Variants in C1orf21 observed in about 807,000 individuals in gnomAD.
C1orf21 encodes the protein chromosome 1 open reading frame 21.
C1orf21 carries 3 observed loss-of-function variants against 18.7 expected under a neutral mutation model. The ratio of observed to expected loss-of-function variants is 0.16; its 90% CI spans 0.07 to 0.42. The LOEUF is 0.42. Ranked by LOEUF, C1orf21 falls within the 10% of genes least tolerant of loss-of-function variation. The pLI is 0.99. For synonymous variants in C1orf21, 41 were observed against 46.4 expected (o/e 0.88, Z 0.47); for missense variants, 104 against 143.6 (o/e 0.72, Z 1.41).
At chr1:184,579,713 G>C (rs1481285440) in intron 3 of C1orf21, among the ~76,000 whole-genome samples, 1 of 151,912 alleles carries the variant, frequency 6.6e-6, no homozygotes, top group African/African-American at 2.4e-5. Flanking sequence ...GTTTCACCAT[G>C]TTGGTTAGGC....
intron 1 of C1orf21, among the ~76,000 whole-genome samples, chr1:184,396,523 ATAAT>A (rs892244339): frequency 3.1e-4 from 47 of 152,194 alleles, no homozygotes; most frequent in African/African-American, 1.1e-3. Context: ...AGAGGGAAAG[ATAAT>A]TAACTCAGTT....
chr1:184,503,475 T>C (rs1360618503), intron 2 of C1orf21, among the ~76,000 whole-genome samples: 1 of 152,034 alleles, frequency 6.6e-6, no homozygotes, highest in African/African-American at 2.4e-5. Context: ...ACAGCTGGTT[T>C]TCCTTGGGCG....
intron 5 of C1orf21, among the ~76,000 whole-genome samples, chr1:184,610,125 G>C (rs1283733234): frequency 6.6e-6 from 1 of 152,232 alleles, no homozygotes; most frequent in Non-Finnish European, 1.5e-5. Flanking sequence ...GCCACATCCA[G>C]CCTGCGAGAC....
At chr1:184,413,763 C>T (rs563923032) in intron 1 of C1orf21, among the ~76,000 whole-genome samples, 68 of 152,264 alleles carry the variant, frequency 4.5e-4, no homozygotes, top group African/African-American at 1.6e-3. Context: ...CATGAAAATA[C>T]GGTCCCTGTG....
At chr1:184,405,965 G>A (rs1308337956) in intron 1 of C1orf21, among the ~76,000 whole-genome samples, 1 of 152,140 alleles carries the variant, frequency 6.6e-6, no homozygotes, top group Non-Finnish European at 1.5e-5. Context: ...AGTTTTTATA[G>A]TGATACTAAA....
chr1:184,575,611 T>TA (rs59167087), intron 3 of C1orf21, among the ~76,000 whole-genome samples: 4,063 of 83,382 alleles, frequency 0.049, 150 homozygotes, highest in African/African-American at 0.13. Context: ...CACAAAAAGG[T>TA]AAAAAAAAAA....
At chr1:184,614,887 C>G (rs1659796774) in intron 5 of C1orf21, among the ~76,000 whole-genome samples, 1 of 152,194 alleles carries the variant, frequency 6.6e-6, no homozygotes, top group South Asian at 2.1e-4. Context: ...ACTCACTCGC[C>G]TGTCGCTCAC....
intron 3 of C1orf21, among the ~76,000 whole-genome samples, chr1:184,570,258 G>A (rs558111799): frequency 2.0e-5 from 3 of 152,242 alleles, no homozygotes; most frequent in Admixed American, 1.3e-4. Flanking sequence ...AAGTTTGCGC[G>A]TATATCCTTT....
chr1:184,552,892 T>C (rs575336818), intron 3 of C1orf21, among the ~76,000 whole-genome samples: 36 of 152,356 alleles, frequency 2.4e-4, no homozygotes, highest in African/African-American at 8.2e-4. Context: ...ACATATTTGG[T>C]ATTTATACCA....
At chr1:184,408,382 T>C (rs957642701) in intron 1 of C1orf21, 2 of 152,226 alleles carry the variant, frequency 1.3e-5, no homozygotes, top group Non-Finnish European at 2.9e-5. Flanking sequence ...TTACTTTTCA[T>C]TAAATAGACG....
intron 3 of C1orf21, among the ~76,000 whole-genome samples, chr1:184,549,977 A>C (rs1221371862): frequency 6.6e-6 from 1 of 152,232 alleles, no homozygotes; most frequent in East Asian, 1.9e-4. Flanking sequence ...CACAATATTC[A>C]ATAAATTACC....
At chr1:184,551,594 G>C (rs6693408) in intron 3 of C1orf21, among the ~76,000 whole-genome samples, 36,231 of 152,032 alleles carry the variant, frequency 0.24, 4,583 homozygotes, top group African/African-American at 0.32. Context: ...ATATAGTTTT[G>C]TTACATCAGC....
intron 1 of C1orf21, among the ~76,000 whole-genome samples, chr1:184,435,080 A>G (rs1264268758): frequency 1.3e-5 from 2 of 152,176 alleles, no homozygotes; most frequent in Non-Finnish European, 2.9e-5. Context: ...ATTAAAATAT[A>G]TTTGGAAGTA....
At chr1:184,474,581 C>T (rs1240857698) in intron 1 of C1orf21, among the ~76,000 whole-genome samples, 2 of 152,136 alleles carry the variant, frequency 1.3e-5, no homozygotes, top group African/African-American at 4.8e-5. Flanking sequence ...GTCATGGCTT[C>T]AATTCTTCCC....
rs1656331896 is a variant in C1orf21, at chr1:184,410,654, T to TATATATAATATATATATATATATAATA, written c.-125+23293_-125+23294insATATATATATATATATAATAATATATA. 2.7e-4 allele frequency among the ~76,000 whole-genome samples: 2 copies of TATATATAATATATATATATATATAATA among 7,544 alleles called. 1 individual carries two copies. Among genetic ancestry groups the TATATATAATATATATATATATATAATA allele is most frequent in the African/African-American group, 3.9e-3 (2 of 514 alleles). 4.9% of individuals were successfully genotyped at this position (7,544 alleles called of 152,430 possible). A position where few individuals can be genotyped will look rare whatever the true frequency, so the allele number is the denominator to read the frequency against. On this transcript the variant is annotated intron_variant, in intron 1 of 5. Transcript: ENST00000235307. ...ATATATATATATATATATATATATA[T>TATATATAATATATATATATATATAATA]ATATATATATTTTTTTTTTTTTTTT...
intron 2 of C1orf21, among the ~76,000 whole-genome samples, chr1:184,504,742 G>A (rs1251857410): frequency 1.3e-5 from 2 of 152,132 alleles, no homozygotes; most frequent in African/African-American, 2.4e-5. Flanking sequence ...GATTTTGTGC[G>A]GTGTGTTGTG....
chr1:184,446,560 G>A (rs1200195217), intron 1 of C1orf21, among the ~76,000 whole-genome samples: 2 of 152,024 alleles, frequency 1.3e-5, no homozygotes, highest in Non-Finnish European at 2.9e-5. Flanking sequence ...GATACAATCA[G>A]CAAAGTTCCA....
At chr1:184,607,864 AAC>A (rs1260536609) in intron 5 of C1orf21, among the ~76,000 whole-genome samples, 1 of 152,200 alleles carries the variant, frequency 6.6e-6, no homozygotes, top group East Asian at 1.9e-4. Context: ...GTACATTAAA[AAC>A]ACACAAATAC....
chr1:184,548,356 G>T (rs573182925), intron 3 of C1orf21, among the ~76,000 whole-genome samples: 2 of 148,774 alleles, frequency 1.3e-5, no homozygotes, highest in East Asian at 4.1e-4. Flanking sequence ...ACCCACCTCA[G>T]TGTTTCAGTG....
Sources: allele counts gnomAD v4.1 joint callset (sites outside exome capture counted in the v4.1 genomes callset), GRCh38; gene constraint gnomAD v4.1.1; transcripts MANE v1.5; gene names NCBI Gene and HGNC (gene_info 2026-07-23, HGNC 2026-07-21).